The following PCDH15 variants were observed in gnomAD, a reference collection of about 807,000 sequenced individuals.
The protein encoded by PCDH15 is protocadherin related 15.
Under a neutral mutation model 178.5 loss-of-function variants are expected in PCDH15, and 129 were observed. That is an observed-to-expected ratio of 0.72 (90% CI 0.63 to 0.84). The LOEUF (loss-of-function observed/expected upper bound fraction) is 0.84, where lower values mean the gene tolerates loss of function less well. Ranked by LOEUF, PCDH15 falls within the 40% of genes least tolerant of loss-of-function variation. The pLI is 0.00. For missense variants in PCDH15, 2,230 were observed against 2,099.9 expected, an observed-to-expected ratio of 1.06 and a Z score of -1.21; for synonymous variants, 800 against 732.0, an observed-to-expected ratio of 1.09 and a Z score of -1.50.
intron 2 of PCDH15, among the ~76,000 whole-genome samples, chr10:55,476,964 G>C (rs1840074124): frequency 6.6e-6 from 1 of 151,800 alleles, no homozygotes; most frequent in African/African-American, 2.4e-5. Context: ...TGATGGTGTT[G>C]GCCCCATAAT....
chr10:55,365,518 G>A (rs1349226482), intron 2 of PCDH15, among the ~76,000 whole-genome samples: 1 of 152,006 alleles, frequency 6.6e-6, no homozygotes, highest in East Asian at 1.9e-4. Flanking sequence ...GTTTGGGTGT[G>A]TTCACACCCA....
intron 2 of PCDH15, among the ~76,000 whole-genome samples, chr10:55,359,480 T>C (rs933786596): frequency 1.3e-5 from 2 of 151,768 alleles, no homozygotes; most frequent in African/African-American, 4.8e-5. Context: ...TCATGTACAC[T>C]ATTGGTGGAT....
chr10:54,506,003 T>G (rs1478607164), intron 3 of PCDH15, among the ~76,000 whole-genome samples: 2 of 152,100 alleles, frequency 1.3e-5, no homozygotes, highest in Non-Finnish European at 2.9e-5. Flanking sequence ...TTGACTCCCA[T>G]TTGGTATAAT....
intron 28 of PCDH15, among the ~76,000 whole-genome samples, chr10:53,847,228 G>T (rs1484577986): frequency 6.6e-6 from 1 of 151,996 alleles, no homozygotes; most frequent in African/African-American, 2.4e-5. Context: ...TGTTGTGATG[G>T]TTACAAGAAC....
At chr10:55,112,530 AAGATAAGAGGC>A (rs1837535276) in intron 2 of PCDH15, among the ~76,000 whole-genome samples, 1 of 152,200 alleles carries the variant, frequency 6.6e-6, no homozygotes, top group African/African-American at 2.4e-5. Context: ...AGCAAGAAGC[AAGATAAGAGGC>A]AGAAGTTAAG....
chr10:54,967,566 C>T (rs1029428213), intron 2 of PCDH15, among the ~76,000 whole-genome samples: 6 of 152,042 alleles, frequency 3.9e-5, no homozygotes, highest in African/African-American at 7.2e-5. Context: ...AAATATCCAG[C>T]TCATATATTT....
Position 54,777,911 on chromosome 10 carries a change from C to T in PCDH15, c.-29+23014G>A, listed in dbSNP as rs58012956. Among the ~76,000 whole-genome samples the T allele has an allele frequency of 4.2e-3, 636 of 152,218 alleles. 4 individuals are homozygous for T. The highest frequency in any genetic ancestry group is 0.015 in the African/African-American group (609 of 41,526). On this transcript the variant is annotated intron_variant, in intron 1 of 37. Transcript: ENST00000644397. ...GGGGTTTTAGATCTTTTCTTTACTG[C>T]AATCAATCCTGCTGGAAATATGAAG... is the stretch of plus-strand genomic sequence containing the variant.
chr10:54,484,657 A>G (rs2078971610), intron 3 of PCDH15, among the ~76,000 whole-genome samples: 1 of 151,916 alleles, frequency 6.6e-6, no homozygotes, highest in African/African-American at 2.4e-5. Flanking sequence ...CTCATCAGAG[A>G]AGGAGGAGAG....
At chr10:54,586,231 G>C (rs942043369) in intron 2 of PCDH15, among the ~76,000 whole-genome samples, 7 of 152,174 alleles carry the variant, frequency 4.6e-5, no homozygotes, top group Non-Finnish European at 8.8e-5. Flanking sequence ...AGATTAAAAA[G>C]TGTGTCACAC....
chr10:54,254,323 C>T (rs1402118951), intron 8 of PCDH15, among the ~76,000 whole-genome samples: 1 of 152,040 alleles, frequency 6.6e-6, no homozygotes, highest in Non-Finnish European at 1.5e-5. Flanking sequence ...GAAATGCACA[C>T]CAGGATATAC....
intron 1 of PCDH15, among the ~76,000 whole-genome samples, chr10:54,686,005 G>A (rs940872488): frequency 6.7e-6 from 1 of 148,216 alleles, no homozygotes; most frequent in African/African-American, 2.5e-5. Context: ...TCTAATTTTT[G>A]CATGGAAATC....
At chr10:54,594,767 C>T (rs185928032) in intron 2 of PCDH15, among the ~76,000 whole-genome samples, 65 of 152,268 alleles carry the variant, frequency 4.3e-4, no homozygotes, top group African/African-American at 1.5e-3. Flanking sequence ...CTTGAGTGTG[C>T]CCCATCCCTT....
chr10:55,034,745 T>C (rs967624109), intron 2 of PCDH15, among the ~76,000 whole-genome samples: 4 of 152,200 alleles, frequency 2.6e-5, no homozygotes, highest in Non-Finnish European at 5.9e-5. Context: ...AATACAATTA[T>C]GTTTTATAAA....
At chr10:54,931,418 G>T (rs1188212272) in intron 2 of PCDH15, among the ~76,000 whole-genome samples, 1 of 152,144 alleles carries the variant, frequency 6.6e-6, no homozygotes, top group African/African-American at 2.4e-5. Flanking sequence ...CATACACAGG[G>T]AGAGTTTCCT....
At chr10:54,254,298 G>C (rs1591438908) in intron 8 of PCDH15, among the ~76,000 whole-genome samples, 1 of 152,128 alleles carries the variant, frequency 6.6e-6, no homozygotes, top group Middle Eastern at 3.4e-3. Context: ...TTAGAAAACA[G>C]CAATGCTAAA....
chr10:54,232,928 T>C (rs900401183), intron 9 of PCDH15, among the ~76,000 whole-genome samples: 179 of 147,726 alleles, frequency 1.2e-3, no homozygotes, highest in African/African-American at 3.2e-3. Flanking sequence ...TTCTTTCTTT[T>C]TTTTTTTTTT....
At position 54,177,726 on chromosome 10, in the gene PCDH15, T is replaced by C. The variant is rs140140750; in HGVS notation, c.1590+5718A>G. 8.7e-3 allele frequency among the ~76,000 whole-genome samples: 1,330 copies of C among 152,302 alleles called. 17 individuals are homozygous for C. The highest frequency in any genetic ancestry group is 0.012 in the Non-Finnish European group (791 of 68,018). Reference sequence around the variant, plus strand: ...AAACAAGACTGCAAGGTGCCTATCCTGCTGCCTGTGGAACCTAAAGATTAA... The same window carrying C: ...AAACAAGACTGCAAGGTGCCTATCCCGCTGCCTGTGGAACCTAAAGATTAA... On this transcript the variant is annotated intron_variant, in intron 13 of 37. Coordinates refer to ENST00000644397, the MANE Select transcript of PCDH15 (RefSeq NM_001384140.1).
chr10:53,984,684 G>A (rs1280500915), intron 21 of PCDH15, among the ~76,000 whole-genome samples: 1 of 152,024 alleles, frequency 6.6e-6, no homozygotes, highest in African/African-American at 2.4e-5. Flanking sequence ...TATCATTGAT[G>A]GATCTTCAAG....
chr10:55,594,399 C>A (rs1282244174), intron 2 of PCDH15, among the ~76,000 whole-genome samples: 1 of 151,780 alleles, frequency 6.6e-6, no homozygotes. Flanking sequence ...AAACTAAAAT[C>A]ACAAAGTAAA....
Sources: allele counts gnomAD v4.1 joint callset (sites outside exome capture counted in the v4.1 genomes callset), GRCh38; gene constraint gnomAD v4.1.1; transcripts MANE v1.5; gene names NCBI Gene and HGNC (gene_info 2026-07-23, HGNC 2026-07-21).